The following SYCP2 variants were observed in gnomAD, a reference collection of about 807,000 sequenced individuals.
SYCP2 encodes the protein synaptonemal complex lateral element protein.
SYCP2 carries 55 observed loss-of-function variants against 211.3 expected under a neutral mutation model. The ratio of observed to expected loss-of-function variants is 0.26; its 90% confidence interval spans 0.21 to 0.33. The LOEUF (loss-of-function observed/expected upper bound fraction) is 0.33, where lower values mean the gene tolerates loss of function less well. SYCP2 is among the 10% of genes least tolerant of loss of function. The probability of loss-of-function intolerance (pLI) is 1.00; values close to 1 mark genes in which losing one functional copy is unlikely to be tolerated. For missense variants in SYCP2, 1,731 were observed against 1,752.0 expected, an observed-to-expected ratio of 0.99 and a Z score of 0.21; for synonymous variants, 570 against 555.2, an observed-to-expected ratio of 1.03 and a Z score of -0.37.
chr20:59,912,728 T>TCA (rs1409243859), intron 12 of SYCP2, among the ~76,000 whole-genome samples: 2 of 152,006 alleles, frequency 1.3e-5, no homozygotes, highest in African/African-American at 4.8e-5. Context: ...AATGGTACTG[T>TCA]CATAATTCCC....
At chr20:59,870,753 T>G (rs1021830793) in intron 35 of SYCP2, among the ~76,000 whole-genome samples, 1 of 151,796 alleles carries the variant, frequency 6.6e-6, no homozygotes, top group Non-Finnish European at 1.5e-5. Context: ...AATGCTGGTA[T>G]TAGCACAGAG....
intron 4 of SYCP2, 67 bp downstream of exon 4, chr20:59,921,243 A>T: frequency 1.5e-6 from 2 of 1,375,946 alleles, no homozygotes; most frequent in Non-Finnish European, 2.0e-6. Flanking sequence ...CTAATGGAGT[A>T]CTTCCTTCTA....
intron 24 of SYCP2, among the ~76,000 whole-genome samples, chr20:59,891,287 TTTTC>T (rs1315997290): frequency 6.6e-6 from 1 of 151,966 alleles, no homozygotes; most frequent in African/African-American, 2.4e-5. Flanking sequence ...ATTAAAAAAT[TTTTC>T]TTAATCTGCA....
chr20:59,866,208 GCTC>G (rs1025525706), intron 41 of SYCP2, 82 bp downstream of exon 41: 1 of 769,830 alleles, frequency 1.3e-6, no homozygotes, highest in Non-Finnish European at 2.1e-6. Context: ...TTTAGGATGT[GCTC>G]CCAAAAAAGA....
At chr20:59,915,023 TA>T (rs2060410115) in intron 10 of SYCP2, 141 bp downstream of exon 10, 2 of 582,008 alleles carry the variant, frequency 3.4e-6, no homozygotes, top group African/African-American at 1.9e-5. Flanking sequence ...ATTTCATGTA[TA>T]TTTATTAAAA....
At chr20:59,888,715 G>T (rs1276136439) in intron 24 of SYCP2, among the ~76,000 whole-genome samples, 1 of 151,842 alleles carries the variant, frequency 6.6e-6, no homozygotes, top group Non-Finnish European at 1.5e-5. Flanking sequence ...AAAACTCTTT[G>T]TTCACAAATG....
In SYCP2 at chr20:59,887,411, G is replaced by T. The variant is rs191860699; in HGVS notation, c.2365-577C>A. ...CCAGTCTATCATTGAGGGACATTTGGGTGGGTTCCAAGTCTTTGCTATCGT... is the reference window on the plus strand; with the variant it reads ...CCAGTCTATCATTGAGGGACATTTGTGTGGGTTCCAAGTCTTTGCTATCGT... On this transcript the variant is annotated intron_variant, in intron 24 of 44. Transcript: ENST00000357552. Among the ~76,000 whole-genome samples, 503 of 152,162 alleles carry T rather than the reference G, an allele frequency of 3.3e-3. 7 individuals carry two copies. Among genetic ancestry groups the T allele is most frequent in the South Asian group, 0.017 (82 of 4,818 alleles).
chr20:59,931,113 T>G (rs1024145235), intron 2 of SYCP2, among the ~76,000 whole-genome samples: 1 of 152,242 alleles, frequency 6.6e-6, no homozygotes, highest in Non-Finnish European at 1.5e-5. Flanking sequence ...CTTTTCAGGA[T>G]TCAGTCATAA....
At chr20:59,924,490 A>C (rs1466988627) in intron 2 of SYCP2, among the ~76,000 whole-genome samples, 1 of 151,968 alleles carries the variant, frequency 6.6e-6, no homozygotes, top group African/African-American at 2.4e-5. Flanking sequence ...ATTGTCCTCA[A>C]AGGATCAGTG....
chr20:59,932,682 AAAC>A (rs1255910053), intron 1 of SYCP2, among the ~76,000 whole-genome samples: 1 of 152,068 alleles, frequency 6.6e-6, no homozygotes, highest in Non-Finnish European at 1.5e-5. Flanking sequence ...TCGGGAAAAA[AAAC>A]AACAAAAAAA....
chr20:59,907,776 A>G (rs1211065208), intron 14 of SYCP2, among the ~76,000 whole-genome samples: 1 of 152,106 alleles, frequency 6.6e-6, no homozygotes, highest in Non-Finnish European at 1.5e-5. Flanking sequence ...TCATTCCTCA[A>G]TTCCCACTCC....
intron 24 of SYCP2, among the ~76,000 whole-genome samples, chr20:59,889,006 T>C (rs1375277638): frequency 6.6e-6 from 1 of 152,050 alleles, no homozygotes; most frequent in East Asian, 1.9e-4. Flanking sequence ...ATATTCCACA[T>C]ATATGGATAG....
chr20:59,932,066 CAAGT>C lies in SYCP2; in HGVS notation c.-55_-52del, dbSNP rs764185054. The C allele has an allele frequency of 6.6e-6, 1 of 152,008 alleles. No individual in the cohort carries two copies. Among genetic ancestry groups the C allele is most frequent in the Non-Finnish European group, 1.5e-5 (1 of 68,020 alleles). The allele number at this position is 152,008 out of a possible 1,614,324, so 9.4% of individuals were successfully genotyped here. Reference sequence around the variant, plus strand: ...TCAAGAGAAGCGTGGATTTACCTGACAAGTAAGCAGGCTCTGGGCTCCAGTCTAC... The same window carrying C: ...TCAAGAGAAGCGTGGATTTACCTGACAAGCAGGCTCTGGGCTCCAGTCTAC... On this transcript the variant is annotated 5_prime_UTR_variant, in exon 2 of 45. Transcript: ENST00000357552.
intron 5 of SYCP2, among the ~76,000 whole-genome samples, chr20:59,919,987 A>G (rs536960916): frequency 5.0e-4 from 76 of 151,830 alleles, no homozygotes; most frequent in African/African-American, 1.7e-3. Flanking sequence ...TACATCTCAG[A>G]TACTATTCTA....
chr20:59,864,087 T>TAA lies in SYCP2; in HGVS notation c.*222_*223dup. On this transcript the variant is annotated 3_prime_UTR_variant, in exon 45 of 45. Coordinates refer to ENST00000357552, the MANE Select transcript of SYCP2 (RefSeq NM_014258.4). ...TTCTTAAAGCTTTTATCTCCAAAAT[T>TAA]AAAAAAAAATATTGTATAGACAGAA... 1 of 311,816 alleles carries TAA rather than the reference T, an allele frequency of 3.2e-6. No homozygotes were observed. Among genetic ancestry groups the TAA allele is most frequent in the Admixed American group, 5.0e-5 (1 of 20,082 alleles). The allele number at this position is 311,816 out of a possible 1,614,324, so 19.3% of individuals were successfully genotyped here. A position where few individuals can be genotyped will look rare whatever the true frequency, so the allele number is the denominator to read the frequency against.
chr20:59,906,732 G>C (rs1365121534), intron 15 of SYCP2, among the ~76,000 whole-genome samples: 1 of 151,932 alleles, frequency 6.6e-6, no homozygotes, highest in African/African-American at 2.4e-5. Flanking sequence ...TTAAGAAAAT[G>C]AATAAGCAAG....
chr20:59,865,888 AT>A, intron 41 of SYCP2, 23 bp from the exon 42 acceptor site: 1 of 1,075,104 alleles, frequency 9.3e-7, no homozygotes, highest in Admixed American at 2.5e-5. Context: ...ATAAAATTTT[AT>A]TTAGTCCTAA....
At chr20:59,899,968 GACAC>G in intron 18 of SYCP2, 166 bp downstream of exon 18, 1 of 705,696 alleles carries the variant, frequency 1.4e-6, no homozygotes, top group Non-Finnish European at 2.4e-6. Context: ...AATTTGCTAA[GACAC>G]ACACTATCTT....
At chr20:59,918,949 G>A (rs2060490580) in intron 7 of SYCP2, among the ~76,000 whole-genome samples, 1 of 151,860 alleles carries the variant, frequency 6.6e-6, no homozygotes, top group Non-Finnish European at 1.5e-5. Flanking sequence ...TGTTATACAA[G>A]TACCCTACAT....
Sources: gnomAD v4.1 joint callset for allele counts (sites outside exome capture counted in the v4.1 genomes callset) on GRCh38, gnomAD v4.1.1 for gene constraint, MANE v1.5 for transcripts, NCBI Gene and HGNC (gene_info 2026-07-23, HGNC 2026-07-21) for gene names.